The following NHSL1 variants were observed in gnomAD, a reference collection of about 807,000 sequenced individuals.
NHSL1 encodes the protein NHS-like protein 1.
In NHSL1, 48 loss-of-function variants were observed where a neutral mutation model predicts 95.0. The ratio of observed to expected loss-of-function variants is 0.51; its 90% CI spans 0.40 to 0.64. The LOEUF (loss-of-function observed/expected upper bound fraction) is 0.64, where lower values mean the gene tolerates loss of function less well. Ranked by LOEUF, NHSL1 falls within the 30% of genes least tolerant of loss-of-function variation. The pLI is 0.00. For missense variants in NHSL1, 1,971 were observed against 2,077.7 expected, an observed-to-expected ratio of 0.95 and a Z score of 1.00; for synonymous variants, 783 against 833.9, an observed-to-expected ratio of 0.94 and a Z score of 1.05.
chr6:138,453,454 A>C (rs1204455016), intron 3 of NHSL1, among the ~76,000 whole-genome samples: 1 of 152,130 alleles, frequency 6.6e-6, no homozygotes, highest in Non-Finnish European at 1.5e-5. Context: ...TCCTGGGCTC[A>C]AGCAATCCTC....
intron 1 of NHSL1, among the ~76,000 whole-genome samples, chr6:138,536,818 T>C (rs1304863655): frequency 6.6e-6 from 1 of 152,142 alleles, no homozygotes; most frequent in African/African-American, 2.4e-5. Flanking sequence ...CTTCTGAGTA[T>C]GCTACTTGTT....
chr6:138,678,577 CAT>C (rs1228257383), intron 1 of NHSL1, among the ~76,000 whole-genome samples: 2 of 152,180 alleles, frequency 1.3e-5, no homozygotes, highest in Non-Finnish European at 2.9e-5. Context: ...AAAATTAAAA[CAT>C]AAAATTATGC....
At chr6:138,458,828 C>CAAAA (rs59461892) in intron 3 of NHSL1, among the ~76,000 whole-genome samples, 2 of 124,228 alleles carry the variant, frequency 1.6e-5, no homozygotes, top group African/African-American at 2.9e-5. Flanking sequence ...AAATCTGTCT[C>CAAAA]AAAAAAAAAA....
At chr6:138,482,831 C>T (rs577990258) in intron 2 of NHSL1, among the ~76,000 whole-genome samples, 4 of 152,296 alleles carry the variant, frequency 2.6e-5, no homozygotes, top group African/African-American at 4.8e-5. Context: ...GTTACATTCC[C>T]GCCTTCAAGG....
At chr6:138,548,348 G>A (rs1053389284), upstream of NHSL1, among the ~76,000 whole-genome samples, 2 of 152,182 alleles carry the variant, frequency 1.3e-5, no homozygotes, top group Non-Finnish European at 2.9e-5. Context: ...GAAAAGTAAA[G>A]AGAATCTCAT....
chr6:138,571,854 A>G (rs1173247886), exon 1 of NHSL1: 10 of 1,551,584 alleles, frequency 6.4e-6, no homozygotes, highest in Non-Finnish European at 5.2e-6. Flanking sequence ...ACAGCACGTG[A>G]GAGAGAACCT....
At chr6:138,599,357 C>T (rs568558109) in intron 1 of NHSL1, among the ~76,000 whole-genome samples, 6 of 151,844 alleles carry the variant, frequency 4.0e-5, no homozygotes, top group African/African-American at 7.2e-5. Context: ...ACTAAAAGTA[C>T]AGAAATTAGC....
chr6:138,614,613 GAC>G (rs1301458318), intron 1 of NHSL1, among the ~76,000 whole-genome samples: 1 of 152,154 alleles, frequency 6.6e-6, no homozygotes, highest in East Asian at 1.9e-4. Context: ...AGGAAACTGA[GAC>G]ACAGTGAATT....
At chr6:138,529,997 C>A (rs1010489385) in intron 1 of NHSL1, among the ~76,000 whole-genome samples, 1 of 152,110 alleles carries the variant, frequency 6.6e-6, no homozygotes, top group Admixed American at 6.6e-5. Context: ...TATTTGAATT[C>A]TTTAATTCCA....
rs114806790 is a variant in NHSL1, at chr6:138,563,748, T to A, written c.202+7962A>T. Reference sequence around the variant, plus strand: ...AGGCAATGGGGTAAGGGAAGCAGCATGTATAGGGCTTAAGAGAGCATTGTT... The same window carrying A: ...AGGCAATGGGGTAAGGGAAGCAGCAAGTATAGGGCTTAAGAGAGCATTGTT... On this transcript the variant is annotated intron_variant, in intron 1 of 6. Transcript: ENST00000427025. Among the ~76,000 whole-genome samples, 770 of 152,200 alleles carry A rather than the reference T, an allele frequency of 5.1e-3. 9 individuals are homozygous for A. The highest frequency in any genetic ancestry group is 0.018 in the African/African-American group (730 of 41,534).
intron 5 of NHSL1, among the ~76,000 whole-genome samples, chr6:138,438,630 AC>A (rs767816545): frequency 1.1e-4 from 17 of 152,312 alleles, no homozygotes; most frequent in Non-Finnish European, 1.9e-4. Context: ...GACATAATGT[AC>A]AGAAATAATT....
chr6:138,606,284 C>G (rs1784432639), intron 1 of NHSL1, among the ~76,000 whole-genome samples: 1 of 152,216 alleles, frequency 6.6e-6, no homozygotes, highest in Non-Finnish European at 1.5e-5. Flanking sequence ...TTACCACTGT[C>G]TCATTTCCAT....
intron 1 of NHSL1, among the ~76,000 whole-genome samples, chr6:138,638,714 C>T (rs985375748): frequency 6.6e-6 from 1 of 152,168 alleles, no homozygotes; most frequent in Non-Finnish European, 1.5e-5. Context: ...TTGCATCTTT[C>T]CTCAGAAAGC....
chr6:138,555,664 G>T (rs1783170654), intron 1 of NHSL1, among the ~76,000 whole-genome samples: 1 of 152,144 alleles, frequency 6.6e-6, no homozygotes, highest in African/African-American at 2.4e-5. Context: ...TTCCTCTTTT[G>T]TCTTTGCTAT....
intron 1 of NHSL1, chr6:138,651,075 C>G (rs918394718): frequency 2.7e-6 from 1 of 377,094 alleles, no homozygotes; most frequent in African/African-American, 2.1e-5. Context: ...TGCCATAAAA[C>G]TCATCTGTTA....
chr6:138,430,935 G>C lies in NHSL1; in HGVS notation c.3410C>G (p.Ser1137Trp). The change falls in exon 6 of 8, where the codon TCG becomes TGG. Residue 1137 changes from serine to tryptophan, a missense_variant. Transcript: ENST00000343505. This position sits in a 1 kb window ranked among gnomAD's most constrained non-coding sequence, Gnocchi z 4.7. ...SESQPASVTS[S>W]LPTPAKSSSQ... Reference sequence around the variant, plus strand: ...CGAGCTCTTGGCAGGCGTCGGAAGCGAGCTTGTCACAGAGGCAGGCTGGCT... The same window carrying C: ...CGAGCTCTTGGCAGGCGTCGGAAGCCAGCTTGTCACAGAGGCAGGCTGGCT... 1 of 1,551,652 alleles carries C rather than the reference G, an allele frequency of 6.4e-7. No homozygotes were observed. Among genetic ancestry groups the C allele is most frequent in the South Asian group, 1.2e-5 (1 of 84,064 alleles).
chr6:138,580,231 A>G (rs1031127889), intron 1 of NHSL1, among the ~76,000 whole-genome samples: 5 of 152,334 alleles, frequency 3.3e-5, no homozygotes, highest in African/African-American at 1.2e-4. Context: ...ATCTCTTGCT[A>G]GGAGATGGGC....
intron 2 of NHSL1, among the ~76,000 whole-genome samples, chr6:138,475,299 T>C (rs1009308152): frequency 6.6e-6 from 1 of 152,070 alleles, no homozygotes; most frequent in African/African-American, 2.4e-5. Context: ...CACGGCTCAC[T>C]TCAGCCTCAA....
chr6:138,433,290 C>T lies in NHSL1; in HGVS notation c.1055G>A (p.Gly352Asp), dbSNP rs1775839614. 2 of 1,551,552 alleles carry T rather than the reference C, an allele frequency of 1.3e-6. No individual in the cohort carries two copies. Among genetic ancestry groups the T allele is most frequent in the Non-Finnish European group, 8.7e-7 (1 of 1,146,902 alleles). Reference sequence around the variant, plus strand: ...GTGACCTCTCTGGTAGAGGAAAGTGCCATTCATGTCTCCTGCAGGGCCGAG... The same window carrying T: ...GTGACCTCTCTGGTAGAGGAAAGTGTCATTCATGTCTCCTGCAGGGCCGAG... ...GALGPAGDMNGTFLYQRGHPQ... is the reference protein window; with the variant it reads ...GALGPAGDMNDTFLYQRGHPQ... The change falls in exon 6 of 8, where the codon GGC (glycine) becomes GAC (aspartate). Residue 352 changes from glycine to aspartate, a missense_variant. This residue lies in a region of NHSL1 where 1,602 missense variants were observed against 1,654.5 expected (regional missense o/e 0.97). Transcript: ENST00000343505.
Sources: gnomAD v4.1 joint callset for allele counts (sites outside exome capture counted in the v4.1 genomes callset) on GRCh38, gnomAD v4.1.1 for gene constraint, gnomAD v4.1.1 regional missense constraint, Gnocchi (gnomAD v3.1) non-coding constraint, MANE v1.5 for transcripts, NCBI Gene and HGNC (gene_info 2026-07-23, HGNC 2026-07-21) for gene names.